Variants in PDCL2 observed in about 807,000 individuals in gnomAD.
PDCL2 encodes the protein phosducin-like protein 2.
PDCL2 carries 23 observed loss-of-function variants against 30.3 expected under a neutral mutation model. The observed-to-expected ratio is 0.76, with a 90% CI of 0.55 to 1.08. The LOEUF is 1.08. Among genes scored for constraint, PDCL2 ranks in the 50% least tolerant of loss-of-function variants. The pLI, the probability that PDCL2 is intolerant of heterozygous loss-of-function variation, is 0.00. For synonymous variants in PDCL2, 68 were observed against 86.2 expected (o/e 0.79, Z 1.17); for missense variants, 243 against 282.3 (o/e 0.86, Z 1.00).
intron 3 of PDCL2, among the ~76,000 whole-genome samples, chr4:55,576,705 G>T (rs1334622976): frequency 6.6e-6 from 1 of 152,140 alleles, no homozygotes; most frequent in African/African-American, 2.4e-5. Context: ...ACTGTGAAAA[G>T]AAAGCAGTAA....
At chr4:55,565,833 T>C (rs1464489753) in intron 4 of PDCL2, among the ~76,000 whole-genome samples, 1 of 152,102 alleles carries the variant, frequency 6.6e-6, no homozygotes. Context: ...AAACTCTTTA[T>C]TGCAATTCCC....
intron 4 of PDCL2, among the ~76,000 whole-genome samples, chr4:55,569,170 T>A (rs1214421584): frequency 6.6e-6 from 1 of 152,194 alleles, no homozygotes; most frequent in Non-Finnish European, 1.5e-5. Context: ...CAGTCCAACT[T>A]GCAGGGCCCC....
Position 55,582,233 on chromosome 4 carries a change from G to C in PDCL2, c.11C>G (p.Pro4Arg). The change falls in exon 2 of 6, where the codon CCC becomes CGC. Residue 4 changes from proline (P) to arginine (R), a missense_variant. Pro to Arg is a moderately radical substitution (Grantham distance 103, BLOSUM62 -2). Transcript: ENST00000295645. MQD[P>R]NEDTEWNDIL... Reference sequence around the variant, plus strand: ...GTCATTCCATTCTGTATCTTCATTGGGATCCTACACAAAAAGAAAAGAAAA... The same window carrying C: ...GTCATTCCATTCTGTATCTTCATTGCGATCCTACACAAAAAGAAAAGAAAA... 1 of 1,597,440 alleles carries C rather than the reference G, an allele frequency of 6.3e-7. No homozygotes were observed. Among genetic ancestry groups the C allele is most frequent in the Non-Finnish European group, 8.5e-7 (1 of 1,174,622 alleles).
At chr4:55,582,624 T>C (rs1424560491) in intron 1 of PDCL2, among the ~76,000 whole-genome samples, 1 of 152,180 alleles carries the variant, frequency 6.6e-6, no homozygotes, top group African/African-American at 2.4e-5. Flanking sequence ...TTTTTTATTA[T>C]ACTTTAAGTT....
intron 1 of PDCL2, among the ~76,000 whole-genome samples, chr4:55,584,794 A>G (rs1416458986): frequency 6.6e-6 from 1 of 152,196 alleles, no homozygotes; most frequent in Non-Finnish European, 1.5e-5. Context: ...AGTAGTGAGA[A>G]TGGGCATCCT....
At chr4:55,559,989 G>A (rs1732082071) in intron 5 of PDCL2, among the ~76,000 whole-genome samples, 1 of 152,166 alleles carries the variant, frequency 6.6e-6, no homozygotes, top group Non-Finnish European at 1.5e-5. Context: ...AGACTGAGGA[G>A]TTTTTAACGA....
chr4:55,588,454 T>C (rs1166528071), intron 1 of PDCL2, among the ~76,000 whole-genome samples: 2 of 151,810 alleles, frequency 1.3e-5, no homozygotes, highest in African/African-American at 4.9e-5. Context: ...AAGCCCCCTC[T>C]TGAAGTTGTC....
At chr4:55,585,035 T>C (rs532033839) in intron 1 of PDCL2, among the ~76,000 whole-genome samples, 1 of 152,338 alleles carries the variant, frequency 6.6e-6, no homozygotes, top group South Asian at 2.1e-4. Context: ...GATTTGCGTA[T>C]GCTGAAACAT....
chr4:55,557,689 C>G (rs1198924621), intron 5 of PDCL2, among the ~76,000 whole-genome samples: 1 of 152,032 alleles, frequency 6.6e-6, no homozygotes, highest in Non-Finnish European at 1.5e-5. Flanking sequence ...CAGTAGCCCC[C>G]AAAGTCTCAA....
At chr4:55,585,701 A>G (rs1732844571) in intron 1 of PDCL2, among the ~76,000 whole-genome samples, 1 of 152,044 alleles carries the variant, frequency 6.6e-6, no homozygotes, top group African/African-American at 2.4e-5. Context: ...GAGCCTTTTA[A>G]TTTTTTATTC....
chr4:55,566,360 T>G (rs1732268896), intron 4 of PDCL2, among the ~76,000 whole-genome samples: 1 of 152,026 alleles, frequency 6.6e-6, no homozygotes, highest in African/African-American at 2.4e-5. Context: ...TTTATAAATT[T>G]AGATTACTAC....
intron 1 of PDCL2, among the ~76,000 whole-genome samples, chr4:55,588,374 T>C (rs1732913604): frequency 6.6e-6 from 1 of 152,182 alleles, no homozygotes; most frequent in Non-Finnish European, 1.5e-5. Context: ...CAGACTAAAT[T>C]GTGTATTCAG....
chr4:55,557,922 A>G (rs1240136725), intron 5 of PDCL2, among the ~76,000 whole-genome samples: 5 of 148,046 alleles, frequency 3.4e-5, no homozygotes, highest in Non-Finnish European at 1.5e-5. Flanking sequence ...CCTGGCCAAC[A>G]TTGTGAAACT....
chr4:55,589,268 G>C (rs1321149819), intron 1 of PDCL2, among the ~76,000 whole-genome samples: 1 of 152,104 alleles, frequency 6.6e-6, no homozygotes, highest in Non-Finnish European at 1.5e-5. Flanking sequence ...TTGTGTGCTT[G>C]GTTACCTTTG....
chr4:55,558,448 G>A lies in PDCL2; in HGVS notation c.572-1737C>T, dbSNP rs1336464687. On this transcript the variant is annotated intron_variant, in intron 5 of 5. Coordinates refer to ENST00000295645, the MANE Select transcript of PDCL2 (RefSeq NM_152401.3). ...CTGCCATGTGAAGAAGAACACGTTTGCTTCCCATTCTGCCATGATTGTAAG... is the reference window on the plus strand; with the variant it reads ...CTGCCATGTGAAGAAGAACACGTTTACTTCCCATTCTGCCATGATTGTAAG... Among the ~76,000 whole-genome samples, 3 of 152,138 alleles carry A rather than the reference G, an allele frequency of 2.0e-5. No homozygotes were observed. In the South Asian group the frequency reaches 6.2e-4, roughly 32 times the overall value.
At chr4:55,571,686 C>CAAA (rs761336707) in intron 3 of PDCL2, among the ~76,000 whole-genome samples, 1 of 36,900 alleles carries the variant, frequency 2.7e-5, no homozygotes, top group Non-Finnish European at 4.6e-5. Context: ...GACTCCATCT[C>CAAA]AAAAAAAAAA....
intron 5 of PDCL2, among the ~76,000 whole-genome samples, chr4:55,558,016 G>A (rs1732020315): frequency 6.6e-6 from 1 of 151,118 alleles, no homozygotes; most frequent in African/African-American, 2.4e-5. Flanking sequence ...AGCTACTCAG[G>A]AGGCTGAGGC....
Position 55,570,688 on chromosome 4 carries a change from A to G in PDCL2, c.219-827T>C, listed in dbSNP as rs184849482. On this transcript the variant is annotated intron_variant, in intron 3 of 5. Coordinates refer to ENST00000295645, the MANE Select transcript of PDCL2 (RefSeq NM_152401.3). ...AATGTTGCTACCTATTTATCTATCC[A>G]TAGAGAACCTTGAAACTGTTTAAAA... Among the ~76,000 whole-genome samples, 3 of 152,340 alleles carry G rather than the reference A, an allele frequency of 2.0e-5. No individual in the cohort carries two copies. The East Asian group carries it at 5.8e-4, about 29-fold the overall frequency.
intron 1 of PDCL2, among the ~76,000 whole-genome samples, chr4:55,591,519 T>C (rs1733000063): frequency 6.6e-6 from 1 of 152,214 alleles, no homozygotes; most frequent in Non-Finnish European, 1.5e-5. Context: ...CCCAGGTAGC[T>C]GGGGCTACAG....
Sources: allele counts gnomAD v4.1 joint callset (sites outside exome capture counted in the v4.1 genomes callset), GRCh38; gene constraint gnomAD v4.1.1; transcripts MANE v1.5; gene names NCBI Gene and HGNC (gene_info 2026-07-23, HGNC 2026-07-21).